The following DMD variants were observed in gnomAD, a reference collection of about 807,000 sequenced individuals.
DMD encodes mutant dystrophin.
Under a neutral mutation model 330.1 loss-of-function variants are expected in DMD, and 63 were observed. That is an observed-to-expected ratio of 0.19 (90% CI 0.16 to 0.24). The LOEUF (loss-of-function observed/expected upper bound fraction) is 0.24. DMD is among the 10% of genes least tolerant of loss of function. The probability of loss-of-function intolerance (pLI) is 1.00; values close to 1 mark genes in which losing one functional copy is unlikely to be tolerated. For synonymous variants in DMD, 1,223 were observed against 959.8 expected, an observed-to-expected ratio of 1.27 and a Z score of -5.07; for missense variants, 3,344 against 2,684.1, an observed-to-expected ratio of 1.25 and a Z score of -5.43.
intron 4 of DMD, among the ~76,000 whole-genome samples, chrX:32,831,966 C>A (rs188624588): frequency 9.1e-6 from 1 of 110,486 alleles, no homozygotes; most frequent in Non-Finnish European, 1.9e-5. Flanking sequence ...CATTTCAGAG[C>A]TACAGGCTCT....
intron 18 of DMD, among the ~76,000 whole-genome samples, chrX:32,514,648 G>A (rs2045676014): frequency 8.9e-6 from 1 of 112,451 alleles, no homozygotes; most frequent in Admixed American, 9.3e-5. Context: ...GGCTGAGGCA[G>A]GAGAACGGCG....
intron 60 of DMD, among the ~76,000 whole-genome samples, chrX:31,371,441 G>A (rs1176683998): frequency 9.0e-6 from 1 of 110,672 alleles, no homozygotes; most frequent in Non-Finnish European, 1.9e-5. Context: ...TTGGTAATAA[G>A]AAAAAAAACT....
intron 1 of DMD, among the ~76,000 whole-genome samples, chrX:33,192,854 C>T (rs950818913): frequency 8.9e-6 from 1 of 111,954 alleles, no homozygotes; most frequent in East Asian, 2.8e-4. Flanking sequence ...AATACTCTTA[C>T]CTTGCGACTT....
chrX:31,894,390 T>C (rs2094302263), intron 47 of DMD, among the ~76,000 whole-genome samples: 2 of 111,731 alleles, frequency 1.8e-5, no homozygotes, highest in Admixed American at 1.9e-4. Flanking sequence ...CTCTTGGCTC[T>C]GGCTAAGTAT....
intron 1 of DMD, among the ~76,000 whole-genome samples, chrX:33,097,394 G>C (rs138085612): frequency 5.5e-4 from 61 of 110,162 alleles, no homozygotes; most frequent in African/African-American, 1.9e-3. Context: ...TTTATGCTCT[G>C]GGTTTACCAT....
chrX:32,574,110 A>G (rs1209928615), intron 13 of DMD, among the ~76,000 whole-genome samples: 1 of 112,001 alleles, frequency 8.9e-6, no homozygotes, highest in African/African-American at 3.2e-5. Flanking sequence ...AAATGGCTCC[A>G]TAGCAAATGT....
chrX:32,604,840 A>T (rs2149308149), intron 12 of DMD, among the ~76,000 whole-genome samples: 1 of 108,925 alleles, frequency 9.2e-6, no homozygotes, highest in Non-Finnish European at 1.9e-5. Context: ...GAATGCCTTT[A>T]AACAAAAAAG....
chrX:32,571,865 AT>A (rs887805407), intron 15 of DMD, among the ~76,000 whole-genome samples: 2 of 109,073 alleles, frequency 1.8e-5, no homozygotes, highest in African/African-American at 6.8e-5. Context: ...TAACATTCTA[AT>A]GTTTCTCTTC....
At chrX:32,613,286 T>G (rs928248462) in intron 12 of DMD, among the ~76,000 whole-genome samples, 9 of 110,444 alleles carry the variant, frequency 8.1e-5, no homozygotes, top group African/African-American at 2.6e-4. Flanking sequence ...ACAAAGGATC[T>G]TGTGTGTGTG....
chrX:32,334,000 G>A (rs1448444753), intron 41 of DMD, among the ~76,000 whole-genome samples: 1 of 110,924 alleles, frequency 9.0e-6, no homozygotes, highest in African/African-American at 3.3e-5. Flanking sequence ...AAGTGAGGGG[G>A]TGAGGAATTA....
At chrX:32,657,785 A>C (rs2147043018) in intron 9 of DMD, among the ~76,000 whole-genome samples, 1 of 112,045 alleles carries the variant, frequency 8.9e-6, no homozygotes, top group African/African-American at 3.2e-5. Flanking sequence ...ATAAATTCTT[A>C]ATGTTATTTT....
chrX:31,174,745 A>G (rs2148240608), intron 71 of DMD, among the ~76,000 whole-genome samples: 1 of 112,006 alleles, frequency 8.9e-6, no homozygotes, highest in Non-Finnish European at 1.9e-5. Flanking sequence ...TGCAGTTACC[A>G]GTAGCTAAGC....
At chrX:33,053,521 G>A (rs763123124) in intron 1 of DMD, among the ~76,000 whole-genome samples, 38 of 108,917 alleles carry the variant, frequency 3.5e-4, no homozygotes, top group East Asian at 8.7e-4. Context: ...GCTTGAACTC[G>A]GGAGGCGGAG....
chrX:31,511,312 TTTTATTTA>T (rs763976919), intron 55 of DMD, among the ~76,000 whole-genome samples: 13 of 100,087 alleles, frequency 1.3e-4, no homozygotes, highest in East Asian at 3.1e-4. Flanking sequence ...ACTCATCATT[TTTTATTTA>T]TTTATTTATT....
chrX:31,152,139 T>A (rs1274402643), intron 74 of DMD, among the ~76,000 whole-genome samples: 2 of 111,810 alleles, frequency 1.8e-5, no homozygotes, highest in Non-Finnish European at 3.8e-5. Flanking sequence ...TCTTAGTTTC[T>A]TGTTATTTTA....
Position 31,146,291 on chromosome X carries a change from C to T in DMD, c.10921G>A (p.Gly3641Ser). The T allele has an allele frequency of 8.3e-7, 1 of 1,210,540 alleles. No individual in the cohort carries two copies. The highest frequency in any genetic ancestry group is 1.8e-5 in the South Asian group (1 of 56,896). The change falls in exon 76 of 79, where the codon GGT becomes AGT. Residue 3641 changes from glycine (G) to serine (S), a missense_variant and splice_region_variant. Physicochemically the swap from Gly to Ser is moderately conservative, Grantham distance 56 (BLOSUM62 0). Coordinates refer to ENST00000357033, the MANE Select transcript of DMD (RefSeq NM_004006.3). ...ATCTGAGAGTAGCTAGGACACTTACCCATGGAGTCCGAAGTTTGACTGCCA... is the reference window on the plus strand; with the variant it reads ...ATCTGAGAGTAGCTAGGACACTTACTCATGGAGTCCGAAGTTTGACTGCCA... The part of the protein sequence containing the change: ...VVGSQTSDSM[G>S]EEDLLSPPQD...
chrX:32,441,788 A>G (rs2098282343), intron 27 of DMD, among the ~76,000 whole-genome samples: 1 of 111,476 alleles, frequency 9.0e-6, no homozygotes, highest in Non-Finnish European at 1.9e-5. Flanking sequence ...TACTAAGAAG[A>G]CATATTTTTA....
At chrX:31,215,507 A>T (rs2148647538) in intron 64 of DMD, among the ~76,000 whole-genome samples, 1 of 111,538 alleles carries the variant, frequency 9.0e-6, no homozygotes, top group Non-Finnish European at 1.9e-5. Context: ...TTTGGTTAGT[A>T]TTCGTTAATG....
intron 44 of DMD, among the ~76,000 whole-genome samples, chrX:32,043,887 C>G (rs1421470728): frequency 9.0e-6 from 1 of 111,704 alleles, no homozygotes; most frequent in East Asian, 2.8e-4. Context: ...GTATTTTGTT[C>G]TAATACAAAT....
Sources: gnomAD v4.1 joint callset for allele counts (sites outside exome capture counted in the v4.1 genomes callset) on GRCh38, gnomAD v4.1.1 for gene constraint, MANE v1.5 for transcripts, NCBI Gene and HGNC (gene_info 2026-07-23, HGNC 2026-07-21) for gene names.